Variants in KCNMB1 observed in about 807,000 individuals in gnomAD.
The protein encoded by KCNMB1 is calcium-activated potassium channel subunit beta-1.
In KCNMB1, 22 loss-of-function variants were observed where a neutral mutation model predicts 21.7. The observed-to-expected ratio is 1.01, with a 90% CI of 0.72 to 1.45. The LOEUF is 1.45. Among genes scored for constraint, KCNMB1 ranks in the 40% most tolerant of loss-of-function variants. The probability of loss-of-function intolerance (pLI) is 0.00; values close to 1 mark genes in which losing one functional copy is unlikely to be tolerated. For missense variants in KCNMB1, 243 were observed against 243.4 expected (o/e 1.00, Z 0.01); for synonymous variants, 114 against 107.6 (o/e 1.06, Z -0.37).
In KCNMB1 at chr5:170,378,695, T is replaced by C. The variant is rs767848017; in HGVS notation, c.*9A>G. The C allele has an allele frequency of 2.9e-5, 47 of 1,602,098 alleles. No homozygotes were observed. Among genetic ancestry groups the C allele is most frequent in the African/African-American group, 8.0e-5 (6 of 74,578 alleles). On this transcript the variant is annotated 3_prime_UTR_variant, in exon 4 of 4. Coordinates refer to ENST00000274629, the MANE Select transcript of KCNMB1 (RefSeq NM_004137.4). ...GCCCTGACAAGTGGTATGGCATGGA[T>C]GGATGGCTCTACTTCTGGGCCGCCA... is the stretch of plus-strand genomic sequence containing the variant.
At chr5:170,379,886 A>G (rs1387550952) in intron 3 of KCNMB1, among the ~76,000 whole-genome samples, 1 of 151,804 alleles carries the variant, frequency 6.6e-6, no homozygotes, top group East Asian at 1.9e-4. Flanking sequence ...CAGGAGTTGG[A>G]GGCTGCAGTG....
chr5:170,388,768 G>A (rs1312775266), intron 1 of KCNMB1, among the ~76,000 whole-genome samples: 5 of 152,194 alleles, frequency 3.3e-5, no homozygotes, highest in South Asian at 2.1e-4. Context: ...ACTGTGAAAC[G>A]AGAACCATGG....
intron 3 of KCNMB1, among the ~76,000 whole-genome samples, chr5:170,380,824 C>T (rs973090621): frequency 2.0e-5 from 3 of 152,160 alleles, no homozygotes; most frequent in African/African-American, 7.2e-5. Flanking sequence ...GAGTTCTGAG[C>T]TGTGTGACCT....
At chr5:170,379,210 G>A (rs1419042663) in intron 3 of KCNMB1, among the ~76,000 whole-genome samples, 8 of 152,108 alleles carry the variant, frequency 5.3e-5, no homozygotes, top group Admixed American at 5.2e-4. Flanking sequence ...TACACACCTG[G>A]GCGCAGGTCC....
chr5:170,387,410 C>T (rs1764519881), intron 1 of KCNMB1, among the ~76,000 whole-genome samples: 1 of 152,162 alleles, frequency 6.6e-6, no homozygotes, highest in East Asian at 1.9e-4. Flanking sequence ...TGACTCCCTC[C>T]CCTTAGCCAG....
chr5:170,385,363 T>G lies in KCNMB1; in HGVS notation c.85A>C (p.Ile29Leu). Residue 29 changes from isoleucine (I) to leucine (L), a missense_variant, in exon 2 of 4, where the codon ATC (isoleucine) becomes CTC (leucine). Physicochemically the swap from Ile to Leu is conservative, Grantham distance 5. Coordinates refer to ENST00000274629, the MANE Select transcript of KCNMB1 (RefSeq NM_004137.4). ...LGVTMVVCAV[I>L]TYYILVTTVL... is the part of the protein sequence containing the mutation. ...GTCGTGACCAGGATGTAGTAGGTGA[T>G]GACGGCACACACCACCATGGTTACA... is the stretch of plus-strand genomic sequence containing the variant. 6.2e-7 allele frequency: 1 copy of G among 1,614,122 alleles called. No individual in the cohort carries two copies.
chr5:170,383,745 G>A lies in KCNMB1; in HGVS notation c.240C>T (p.Asn80=), dbSNP rs753087338. The change falls in exon 3 of 4, where the codon AAC becomes AAT. Residue 80 remains asparagine, a synonymous_variant. Transcript: ENST00000274629. ...KVPQYPCLWV[N]VSAAGRWAVL... is the part of the protein sequence containing the mutation. ...CAGCCCACCTGCCGGCAGCTGACACGTTGACCCACAGGCATGGGTACTGGG... is the reference window on the plus strand; with the variant it reads ...CAGCCCACCTGCCGGCAGCTGACACATTGACCCACAGGCATGGGTACTGGG... 3.6e-5 allele frequency: 58 copies of A among 1,614,046 alleles called. No individual in the cohort carries two copies. The highest frequency in any genetic ancestry group is 3.3e-4 in the Middle Eastern group (2 of 6,084).
intron 2 of KCNMB1, 53 bp from the exon 3 acceptor site, chr5:170,383,903 C>T: frequency 6.4e-7 from 1 of 1,573,966 alleles, no homozygotes; most frequent in Non-Finnish European, 8.7e-7. Context: ...GGGTGACACA[C>T]AGAACACCCA....
At chr5:170,385,961 A>C (rs1400868871) in intron 1 of KCNMB1, among the ~76,000 whole-genome samples, 1 of 151,778 alleles carries the variant, frequency 6.6e-6, no homozygotes, top group Non-Finnish European at 1.5e-5. Context: ...CTACTAAAAA[A>C]AAAAAATACA....
In KCNMB1 at chr5:170,378,861, C is replaced by G; in HGVS notation, c.419G>C (p.Arg140Pro). ...GAATAGGACGCTGGTTTCGTTCCCC[C>G]GAGGTGCGGAGAAGCAGTAGAAGAC... ...QQVFYCFSAP[R>P]GNETSVLFQR... Residue 140 changes from arginine to proline, a missense_variant, in exon 4 of 4, where the codon CGG becomes CCG. Transcript: ENST00000274629. The G allele has an allele frequency of 6.2e-7, 1 of 1,614,244 alleles. No homozygotes were observed. The highest frequency in any genetic ancestry group is 8.5e-7 in the Non-Finnish European group (1 of 1,180,052).
Position 170,378,357 on chromosome 5 carries a change from A to G in KCNMB1, c.*347T>C. On this transcript the variant is annotated 3_prime_UTR_variant, in exon 4 of 4. Transcript: ENST00000274629. ...AGGATGGGTACCGCTTTGAGACAAC[A>G]GGGAGAACTCAGGCACAGAGGTGAC... 9.1e-6 allele frequency: 2 copies of G among 219,082 alleles called. No homozygotes were observed. Among genetic ancestry groups the G allele is most frequent in the Non-Finnish European group, 1.8e-5 (2 of 111,664 alleles). 13.6% of individuals were successfully genotyped at this position (219,082 alleles called of 1,614,324 possible).
chr5:170,376,150 C>CTTTTTTTTTTT lies in KCNMB1; in HGVS notation c.*2543_*2553dup, dbSNP rs397885011. The CTTTTTTTTTTT allele has an allele frequency of 9.9e-5, 7 of 70,650 alleles. No individual in the cohort carries two copies. Among genetic ancestry groups the CTTTTTTTTTTT allele is most frequent in the East Asian group, 4.6e-4 (1 of 2,154 alleles). The allele number at this position is 70,650 out of a possible 1,614,324, so 4.4% of individuals were successfully genotyped here. ...AGTTTCTGAGTATTCATGACTTATT[C>CTTTTTTTTTTT]TTTTTTTTTTTTTTTTTTTTTTTTT... is the stretch of plus-strand genomic sequence containing the variant. On this transcript the variant is annotated 3_prime_UTR_variant, in exon 4 of 4. Coordinates refer to ENST00000274629, the MANE Select transcript of KCNMB1 (RefSeq NM_004137.4).
In KCNMB1 at chr5:170,378,815, C is replaced by T; in HGVS notation, c.465G>A (p.Gln155=). 1 of 1,614,242 alleles carries T rather than the reference C, an allele frequency of 6.2e-7. No homozygotes were observed. The highest frequency in any genetic ancestry group is 8.5e-7 in the Non-Finnish European group (1 of 1,180,038). Residue 155 remains glutamine, a synonymous_variant, in exon 4 of 4, where the codon CAG becomes CAA. Transcript: ENST00000274629. Reference sequence around the variant, plus strand: ...GCCAGAAGAGGGAGAAGAGGAGGGCCTGGGGCCCGTAGAGGCGCTGGAATA... The same window carrying T: ...GCCAGAAGAGGGAGAAGAGGAGGGCTTGGGGCCCGTAGAGGCGCTGGAATA... ...SVLFQRLYGP[Q]ALLFSLFWPT...
intron 1 of KCNMB1, among the ~76,000 whole-genome samples, chr5:170,387,879 G>A (rs1389174312): frequency 6.6e-6 from 1 of 152,244 alleles, no homozygotes; most frequent in Non-Finnish European, 1.5e-5. Context: ...CAGATACTGT[G>A]AGACATAAAT....
chr5:170,383,936 A>C (rs1322186905), intron 2 of KCNMB1, 86 bp from the exon 3 acceptor site: 1 of 1,404,072 alleles, frequency 7.1e-7, no homozygotes, highest in Non-Finnish European at 9.7e-7. Flanking sequence ...ATCCCCTGGG[A>C]GCCTCTAGAG....
intron 1 of KCNMB1, among the ~76,000 whole-genome samples, chr5:170,388,366 A>G (rs1764571629): frequency 6.6e-6 from 1 of 152,212 alleles, no homozygotes; most frequent in South Asian, 2.1e-4. Context: ...GGCGGGAGGA[A>G]GGATGGGAAC....
intron 1 of KCNMB1, among the ~76,000 whole-genome samples, chr5:170,388,025 C>A (rs938136281): frequency 8.4e-5 from 10 of 118,948 alleles, no homozygotes; most frequent in Non-Finnish European, 1.8e-4. Flanking sequence ...TCAGCCCCCC[C>A]CAGCGCCCAG....
rs1410779949 is a variant in KCNMB1, at chr5:170,374,784, T to C, written c.*3920A>G. 6.6e-6 allele frequency: 1 copy of C among 152,190 alleles called. No homozygotes were observed. The highest frequency in any genetic ancestry group is 1.5e-5 in the Non-Finnish European group (1 of 68,026). The allele number at this position is 152,190 out of a possible 1,614,324, so 9.4% of individuals were successfully genotyped here. A position where few individuals can be genotyped will look rare whatever the true frequency, so the allele number is the denominator to read the frequency against. The stretch of plus-strand genomic sequence containing the variant: ...TAACTCCATCATGCCTAAATTCCCA[T>C]TATTTCATGCTTATCCCGTGCATAA... On this transcript the variant is annotated 3_prime_UTR_variant, in exon 4 of 4. Coordinates refer to ENST00000274629, the MANE Select transcript of KCNMB1 (RefSeq NM_004137.4).
chr5:170,378,453 G>T lies in KCNMB1; in HGVS notation c.*251C>A. On this transcript the variant is annotated 3_prime_UTR_variant, in exon 4 of 4. Coordinates refer to ENST00000274629, the MANE Select transcript of KCNMB1 (RefSeq NM_004137.4). ...GTATGAGTCAGTTGAGTGGGGACAGGTAATAGAGAGCTAGAACTGGCTGGC... is the reference window on the plus strand; with the variant it reads ...GTATGAGTCAGTTGAGTGGGGACAGTTAATAGAGAGCTAGAACTGGCTGGC... 2.0e-6 allele frequency: 1 copy of T among 504,412 alleles called. No homozygotes were observed. The highest frequency in any genetic ancestry group is 3.7e-5 in the Admixed American group (1 of 27,282). The allele number at this position is 504,412 out of a possible 1,614,324, so 31.2% of individuals were successfully genotyped here.
Sources: allele counts gnomAD v4.1 joint callset (sites outside exome capture counted in the v4.1 genomes callset), GRCh38; gene constraint gnomAD v4.1.1; transcripts MANE v1.5; gene names NCBI Gene and HGNC (gene_info 2026-07-23, HGNC 2026-07-21).